Variants in TMPRSS13 observed in about 807,000 individuals in gnomAD.
TMPRSS13 encodes the protein transmembrane serine protease 13, also known as transmembrane protease serine 13.
In TMPRSS13, 50 loss-of-function variants were observed where a neutral mutation model predicts 68.4. The ratio of observed to expected loss-of-function variants is 0.73; its 90% confidence interval spans 0.58 to 0.93. The LOEUF (loss-of-function observed/expected upper bound fraction) is 0.93, where lower values mean the gene tolerates loss of function less well. TMPRSS13 is among the 40% of genes least tolerant of loss of function. The probability of loss-of-function intolerance (pLI) is 0.00; values close to 1 mark genes in which losing one functional copy is unlikely to be tolerated. For synonymous variants in TMPRSS13, 267 were observed against 285.8 expected (o/e 0.93, Z 0.66); for missense variants, 615 against 729.2 (o/e 0.84, Z 1.80).
intron 1 of TMPRSS13, among the ~76,000 whole-genome samples, chr11:117,919,601 C>T (rs2057622660): frequency 1.3e-5 from 2 of 152,268 alleles, no homozygotes; most frequent in Non-Finnish European, 2.9e-5. Flanking sequence ...AAGTCTTCCC[C>T]AACTTCAGGG....
rs1257169439 is a variant in TMPRSS13, at chr11:117,926,162, C to A, written c.21+3125G>T. Among the ~76,000 whole-genome samples the A allele has an allele frequency of 6.6e-5, 9 of 136,190 alleles. No individual in the cohort carries two copies. In the East Asian group the frequency reaches 1.2e-3, roughly 18 times the overall value. The allele number at this position is 136,190 out of a possible 152,430, so 89.3% of individuals were successfully genotyped here. On this transcript the variant is annotated intron_variant, in intron 1 of 12. Transcript: ENST00000524993. ...GGGTCCTTGGAGGACGAGGTGAGGG[C>A]TACACACCTGCAGGGGCATAGGGCA...
chr11:117,910,495 G>A lies in TMPRSS13; in HGVS notation c.946+212C>T, dbSNP rs1006622872. 4.7e-5 allele frequency: 25 copies of A among 528,910 alleles called. No homozygotes were observed. The East Asian group carries it at 6.1e-4, about 13-fold the overall frequency. The allele number at this position is 528,910 out of a possible 1,614,324, so 32.8% of individuals were successfully genotyped here. A position where few individuals can be genotyped will look rare whatever the true frequency, so the allele number is the denominator to read the frequency against. On this transcript the variant is annotated intron_variant, in intron 7 of 12. Transcript: ENST00000524993. ...CTTCCTTGGAATAAAAGGTTGCTGG[G>A]CTGAGCCCCTACCAGAGTCAGGAGA...
At chr11:117,916,669 G>T (rs150624463) in intron 3 of TMPRSS13, among the ~76,000 whole-genome samples, 2 of 152,298 alleles carry the variant, frequency 1.3e-5, no homozygotes, top group Non-Finnish European at 1.5e-5. Context: ...TGCTGAACAC[G>T]TCATCCCATT....
rs2134869410 is a variant in TMPRSS13, at chr11:117,901,976, T to TCTTG, written c.*259_*262dup. The TCTTG allele has an allele frequency of 3.6e-6, 2 of 562,442 alleles. No individual in the cohort carries two copies. Among genetic ancestry groups the TCTTG allele is most frequent in the East Asian group, 6.3e-5 (2 of 31,926 alleles). The allele number at this position is 562,442 out of a possible 1,614,324, so 34.8% of individuals were successfully genotyped here. Reference sequence around the variant, plus strand: ...TGTAGGAACATCCACGGTACTCAACTCTTGTCTCCAGGTAATTTCCAGCCT... The same window carrying TCTTG: ...TGTAGGAACATCCACGGTACTCAACTCTTGCTTGTCTCCAGGTAATTTCCAGCCT... On this transcript the variant is annotated 3_prime_UTR_variant, in exon 13 of 13. Coordinates refer to ENST00000524993, the MANE Select transcript of TMPRSS13 (RefSeq NM_001077263.3).
In TMPRSS13 at chr11:117,911,878, G is replaced by A; in HGVS notation, c.810-18C>T. 1 of 1,606,010 alleles carries A rather than the reference G, an allele frequency of 6.2e-7. No homozygotes were observed. Among genetic ancestry groups the A allele is most frequent in the Non-Finnish European group, 8.5e-7 (1 of 1,173,224 alleles). ...GGTGAGCACTACAAGGGAGCAGAGG[G>A]GAGAAGAATGAGCCCCCTGGAGACA... is the stretch of plus-strand genomic sequence containing the variant. On this transcript the variant is annotated intron_variant, in intron 5 of 12. Coordinates refer to ENST00000524993, the MANE Select transcript of TMPRSS13 (RefSeq NM_001077263.3).
At chr11:117,925,194 A>T (rs1487921010) in intron 1 of TMPRSS13, among the ~76,000 whole-genome samples, 1 of 152,228 alleles carries the variant, frequency 6.6e-6, no homozygotes, top group Non-Finnish European at 1.5e-5. Flanking sequence ...CTCAACAGAG[A>T]AGACCGACCT....
intron 1 of TMPRSS13, among the ~76,000 whole-genome samples, chr11:117,923,932 G>A (rs114892366): frequency 0.019 from 2,897 of 151,462 alleles, 81 homozygotes; most frequent in African/African-American, 0.061. Flanking sequence ...GTGCATCAGG[G>A]CCCGTTTCAG....
At chr11:117,919,943 C>A (rs10790220) in intron 1 of TMPRSS13, among the ~76,000 whole-genome samples, 7 of 152,252 alleles carry the variant, frequency 4.6e-5, no homozygotes, top group African/African-American at 1.4e-4. Context: ...ATGGGGCCCC[C>A]TGGCCCTGCA....
rs2134912337 is a variant in TMPRSS13 at position 117,918,894 on chromosome 11, C to A, written c.22-56G>T. 1.9e-6 allele frequency: 3 copies of A among 1,600,360 alleles called. No individual in the cohort carries two copies. In the East Asian group the frequency reaches 6.7e-5, roughly 36 times the overall value. On this transcript the variant is annotated intron_variant, in intron 1 of 12. Coordinates refer to ENST00000524993, the MANE Select transcript of TMPRSS13 (RefSeq NM_001077263.3). ...CTGCTCCCCTGCCAACCCACCCCAG[C>A]TGTCAGCTGTGCTGCACTAGGAGAT...
At chr11:117,918,886 C>T (rs1257248929) in intron 1 of TMPRSS13, 48 bp from the exon 2 acceptor site, 4 of 1,604,160 alleles carry the variant, frequency 2.5e-6, no homozygotes, top group Non-Finnish European at 3.4e-6. Flanking sequence ...CCTGCCAACC[C>T]ACCCCAGCTG....
At chr11:117,926,305 G>A (rs2057706675) in intron 1 of TMPRSS13, among the ~76,000 whole-genome samples, 1 of 152,172 alleles carries the variant, frequency 6.6e-6, no homozygotes, top group Non-Finnish European at 1.5e-5. Flanking sequence ...CATAGGGCAG[G>A]TGCCAGGGTC....
intron 9 of TMPRSS13, chr11:117,907,418 C>T (rs1344711066): frequency 6.6e-6 from 1 of 152,238 alleles, no homozygotes; most frequent in Non-Finnish European, 1.5e-5. Context: ...GATCCTCCTC[C>T]TCACCCCACT....
chr11:117,902,240 T>C lies in TMPRSS13; in HGVS notation c.1703A>G (p.Ter568=), dbSNP rs73020481. The C allele has an allele frequency of 0.077, 124,363 of 1,613,158 alleles. 5,107 individuals are homozygous for C. Among genetic ancestry groups the C allele is most frequent in the Middle Eastern group, 0.1 (635 of 6,048 alleles). Residue 568 remains the stop codon, a stop_retained_variant, in exon 13 of 13, where the codon TAA becomes TGA. Transcript: ENST00000524993. Reference sequence around the variant, plus strand: ...TGTGCAGAGCAGCAGGCCAGCTGGTTAGGATTTTCTGAATCGCACCTCGCT... The same window carrying C: ...TGTGCAGAGCAGCAGGCCAGCTGGTCAGGATTTTCTGAATCGCACCTCGCT... ...MESEVRFRKS[*] is the part of the protein sequence containing the mutation.
chr11:117,924,933 G>A (rs1275529066), intron 1 of TMPRSS13, among the ~76,000 whole-genome samples: 3 of 152,072 alleles, frequency 2.0e-5, no homozygotes, highest in Non-Finnish European at 2.9e-5. Flanking sequence ...TCTGGAAGGG[G>A]CCAGAGCTGC....
intron 1 of TMPRSS13, among the ~76,000 whole-genome samples, chr11:117,928,598 C>G (rs2057730246): frequency 6.6e-6 from 1 of 152,168 alleles, no homozygotes; most frequent in African/African-American, 2.4e-5. Flanking sequence ...CACAGCAGAA[C>G]AAGATCTTTG....
Position 117,918,456 on chromosome 11 carries a change from G to A in TMPRSS13, c.404C>T (p.Ser135Phe). Reference protein sequence around the residue: ...TPVGAVPIRSSPARSAPATRA... With the variant: ...TPVGAVPIRSFPARSAPATRA... ...GGTTGCTGGTGCTGACCTGGCAGGA[G>A]ATGATCGGATGGGTACAGCCCCCAC... Residue 135 changes from serine (S) to phenylalanine (F), a missense_variant, in exon 2 of 13, where the codon TCT (serine) becomes TTT (phenylalanine). Transcript: ENST00000524993. The A allele has an allele frequency of 6.2e-7, 1 of 1,614,198 alleles. No homozygotes were observed. Among genetic ancestry groups the A allele is most frequent in the Non-Finnish European group, 8.5e-7 (1 of 1,180,032 alleles).
chr11:117,927,747 T>C lies in TMPRSS13; in HGVS notation c.21+1540A>G, dbSNP rs144601512. On this transcript the variant is annotated intron_variant, in intron 1 of 12. Coordinates refer to ENST00000524993, the MANE Select transcript of TMPRSS13 (RefSeq NM_001077263.3). ...ACGAGCCCCAACTATAGGCTCACTC[T>C]CTCAGAGTTCCATCTTAAATAGGGG... 7.5e-4 allele frequency among the ~76,000 whole-genome samples: 115 copies of C among 152,338 alleles called. 1 individual carries two copies. The highest frequency in any genetic ancestry group is 2.7e-3 in the African/African-American group (113 of 41,580).
chr11:117,921,487 C>T (rs1029764058), intron 1 of TMPRSS13, among the ~76,000 whole-genome samples: 2 of 152,204 alleles, frequency 1.3e-5, no homozygotes, highest in Non-Finnish European at 2.9e-5. Context: ...CAGAACCCTC[C>T]CATCCAGCCC....
At chr11:117,903,472 C>G (rs2057429088) in intron 12 of TMPRSS13, 183 bp downstream of exon 12, 1 of 1,539,166 alleles carries the variant, frequency 6.5e-7, no homozygotes, top group Non-Finnish European at 8.7e-7. Flanking sequence ...GGAAGAAAAG[C>G]AGGGAAAGAA....
Sources: allele counts gnomAD v4.1 joint callset (sites outside exome capture counted in the v4.1 genomes callset), GRCh38; gene constraint gnomAD v4.1.1; transcripts MANE v1.5; gene names NCBI Gene and HGNC (gene_info 2026-07-23, HGNC 2026-07-21).